The following ADAMTS3 variants were observed in gnomAD, a reference collection of about 807,000 sequenced individuals.
The protein encoded by ADAMTS3 is ADAM metallopeptidase with thrombospondin type 1 motif 3.
In ADAMTS3, 73 loss-of-function variants were observed where a neutral mutation model predicts 129.0. That is an observed-to-expected ratio of 0.57 (90% CI 0.47 to 0.69). The LOEUF is 0.69. Among genes scored for constraint, ADAMTS3 ranks in the 30% least tolerant of loss-of-function variants. ADAMTS3 has a pLI of 0.00. For synonymous variants in ADAMTS3, 477 were observed against 510.8 expected (o/e 0.93, Z 0.89); for missense variants, 1,457 against 1,514.5 (o/e 0.96, Z 0.63).
intron 2 of ADAMTS3, among the ~76,000 whole-genome samples, chr4:72,555,285 T>G (rs759870568): frequency 2.7e-5 from 4 of 150,724 alleles, no homozygotes; most frequent in Non-Finnish European, 5.9e-5. Flanking sequence ...TTCAATATCA[T>G]CTCTCATATT....
At chr4:72,350,023 T>C (rs1720386998) in intron 4 of ADAMTS3, among the ~76,000 whole-genome samples, 1 of 152,056 alleles carries the variant, frequency 6.6e-6, no homozygotes, top group Non-Finnish European at 1.5e-5. Context: ...GAACAACGTT[T>C]GCTATCTAAT....
chr4:72,391,849 T>C (rs1457556488), intron 4 of ADAMTS3, among the ~76,000 whole-genome samples: 1 of 152,088 alleles, frequency 6.6e-6, no homozygotes, highest in African/African-American at 2.4e-5. Flanking sequence ...CTATTACAGA[T>C]GCGATACTTC....
At chr4:72,438,825 G>C (rs1019334528) in intron 3 of ADAMTS3, among the ~76,000 whole-genome samples, 2 of 151,618 alleles carry the variant, frequency 1.3e-5, no homozygotes, top group African/African-American at 4.8e-5. Flanking sequence ...ACAACTGGTC[G>C]CCCTCTCTGC....
At chr4:72,358,674 T>A (rs1156601540) in intron 4 of ADAMTS3, among the ~76,000 whole-genome samples, 1 of 152,040 alleles carries the variant, frequency 6.6e-6, no homozygotes, top group East Asian at 1.9e-4. Context: ...CCTTGCAATG[T>A]AGCAACATTA....
chr4:72,522,247 T>C (rs1381538136), intron 3 of ADAMTS3, among the ~76,000 whole-genome samples: 2 of 152,148 alleles, frequency 1.3e-5, no homozygotes, highest in Non-Finnish European at 2.9e-5. Flanking sequence ...GTAGGTGTGG[T>C]AGGACAAATT....
chr4:72,296,542 G>T (rs940328066), intron 18 of ADAMTS3, among the ~76,000 whole-genome samples: 6 of 151,976 alleles, frequency 3.9e-5, no homozygotes, highest in African/African-American at 1.4e-4. Context: ...CATCTAGATT[G>T]ATCTTTTGTG....
chr4:72,541,076 TCAA>T (rs913253077), intron 3 of ADAMTS3, among the ~76,000 whole-genome samples: 1 of 151,850 alleles, frequency 6.6e-6, no homozygotes, highest in African/African-American at 2.4e-5. Flanking sequence ...CTGCAGACAC[TCAA>T]CATCAGCCCA....
intron 3 of ADAMTS3, among the ~76,000 whole-genome samples, chr4:72,425,851 T>C (rs1394235697): frequency 6.6e-6 from 1 of 151,792 alleles, no homozygotes; most frequent in Non-Finnish European, 1.5e-5. Flanking sequence ...ATATACCCAG[T>C]AATGGGATGG....
intron 17 of ADAMTS3, among the ~76,000 whole-genome samples, chr4:72,301,118 C>T (rs1175088764): frequency 6.6e-6 from 1 of 152,120 alleles, no homozygotes; most frequent in Non-Finnish European, 1.5e-5. Context: ...GGACCTAACA[C>T]TTCATACAAA....
intron 3 of ADAMTS3, among the ~76,000 whole-genome samples, chr4:72,513,921 G>A (rs925164123): frequency 6.6e-6 from 1 of 152,056 alleles, no homozygotes; most frequent in Admixed American, 6.6e-5. Flanking sequence ...ATTTATAAGC[G>A]AGAATATGCA....
intron 17 of ADAMTS3, among the ~76,000 whole-genome samples, chr4:72,300,952 C>CA (rs1434489815): frequency 1.3e-5 from 2 of 152,294 alleles, no homozygotes; most frequent in East Asian, 3.9e-4. Flanking sequence ...ACAGCAAACT[C>CA]ATCAGATACT....
At chr4:72,365,961 T>G (rs1172513433) in intron 4 of ADAMTS3, among the ~76,000 whole-genome samples, 4 of 152,196 alleles carry the variant, frequency 2.6e-5, no homozygotes, top group African/African-American at 4.8e-5. Flanking sequence ...GTTCTCTGAT[T>G]ACACTCCAGC....
At chr4:72,326,917 G>A (rs1719713364) in intron 5 of ADAMTS3, among the ~76,000 whole-genome samples, 1 of 152,014 alleles carries the variant, frequency 6.6e-6, no homozygotes, top group Non-Finnish European at 1.5e-5. Context: ...GCATGCTTCA[G>A]AGGGGCAAAG....
At chr4:72,395,857 A>G (rs1377161216) in intron 4 of ADAMTS3, among the ~76,000 whole-genome samples, 3 of 152,244 alleles carry the variant, frequency 2.0e-5, no homozygotes, top group South Asian at 2.1e-4. Flanking sequence ...TGTGCTGTGG[A>G]TACATGGTCC....
chr4:72,334,656 G>C (rs1194586710), intron 5 of ADAMTS3, among the ~76,000 whole-genome samples: 1 of 152,162 alleles, frequency 6.6e-6, no homozygotes, highest in East Asian at 1.9e-4. Flanking sequence ...GCACATGGCA[G>C]ACGATGGGTC....
intron 3 of ADAMTS3, among the ~76,000 whole-genome samples, chr4:72,530,076 T>TAA (rs1393542263): frequency 0.019 from 243 of 12,832 alleles, 104 homozygotes; most frequent in African/African-American, 0.13. Flanking sequence ...ATATAACATA[T>TAA]TATATTTATA....
chr4:72,398,186 G>A (rs1358351455), intron 4 of ADAMTS3, among the ~76,000 whole-genome samples: 1 of 152,182 alleles, frequency 6.6e-6, no homozygotes, highest in Non-Finnish European at 1.5e-5. Context: ...GAGCCATGTT[G>A]AGGGGGAGCT....
chr4:72,291,132 G>T, intron 19 of ADAMTS3, 70 bp from the exon 20 acceptor site: 1 of 1,533,544 alleles, frequency 6.5e-7, no homozygotes, highest in South Asian at 1.2e-5. Flanking sequence ...TACCTGCAAA[G>T]CCTAGACTTT....
intron 4 of ADAMTS3, among the ~76,000 whole-genome samples, chr4:72,407,074 T>G (rs1472054901): frequency 1.3e-5 from 2 of 152,164 alleles, no homozygotes; most frequent in Non-Finnish European, 2.9e-5. Context: ...TATCCCAGCC[T>G]GATTAACTTA....
Sources: gnomAD v4.1 joint callset for allele counts (sites outside exome capture counted in the v4.1 genomes callset) on GRCh38, gnomAD v4.1.1 for gene constraint, MANE v1.5 for transcripts, NCBI Gene and HGNC (gene_info 2026-07-23, HGNC 2026-07-21) for gene names.